UPP2: variants seen among roughly 807,000 people sequenced by gnomAD.
The protein encoded by UPP2 is UPase 2.
UPP2 carries 23 observed loss-of-function variants against 26.7 expected under a neutral mutation model. That is an observed-to-expected ratio of 0.86 (90% confidence interval 0.62 to 1.22). UPP2 has a LOEUF of 1.22. UPP2 is among the 50% of genes most tolerant of loss of function. The pLI is 0.00. For synonymous variants in UPP2, 127 were observed against 141.3 expected (o/e 0.90, Z 0.72); for missense variants, 387 against 396.7 (o/e 0.98, Z 0.21).
At chr2:158,114,624 G>T (rs1295469241) in intron 2 of UPP2, among the ~76,000 whole-genome samples, 7 of 152,122 alleles carry the variant, frequency 4.6e-5, no homozygotes, top group Admixed American at 4.6e-4. Context: ...AAAATTTTAA[G>T]TTCACATACT....
chr2:158,029,819 CTATT>C (rs886587270), intron 3 of UPP2, among the ~76,000 whole-genome samples: 3 of 145,580 alleles, frequency 2.1e-5, no homozygotes, highest in Non-Finnish European at 4.5e-5. Context: ...TTTTAAAACA[CTATT>C]TAGGAAAGAT....
At chr2:158,036,703 G>A (rs539888457) in intron 3 of UPP2, among the ~76,000 whole-genome samples, 5 of 152,306 alleles carry the variant, frequency 3.3e-5, no homozygotes, top group African/African-American at 1.2e-4. Flanking sequence ...TTATGGAAAG[G>A]CAGGTGAAGA....
intron 2 of UPP2, among the ~76,000 whole-genome samples, chr2:158,004,631 G>A (rs916662533): frequency 2.0e-5 from 3 of 152,152 alleles, no homozygotes; most frequent in Admixed American, 6.5e-5. Flanking sequence ...CCTCCTAGTC[G>A]GGGGAGATGG....
chr2:158,117,919 C>T lies in UPP2; in HGVS notation c.435C>T (p.Ile145=), dbSNP rs754084452. ...GCTGCGATGTCACCATTATTAGAAT[C>T]GGTACATCAGGGGGAATAGGTGAGA... The part of the protein sequence containing the change: ...ARCCDVTIIR[I]GTSGGIGIAP... The change falls in exon 4 of 7, where the codon ATC becomes ATT. Residue 145 remains isoleucine (I), a synonymous_variant. Coordinates refer to ENST00000005756, the MANE Select transcript of UPP2 (RefSeq NM_173355.4). 6.8e-6 allele frequency: 11 copies of T among 1,611,072 alleles called. 1 individual carries two copies. Among genetic ancestry groups the T allele is most frequent in the East Asian group, 4.5e-5 (2 of 44,884 alleles).
chr2:158,012,049 C>A (rs925215838), intron 2 of UPP2, among the ~76,000 whole-genome samples: 3 of 152,038 alleles, frequency 2.0e-5, no homozygotes, highest in Non-Finnish European at 4.4e-5. Context: ...CTTTTTTATC[C>A]TTTGGGTATC....
At chr2:158,131,099 A>T (rs1054159490) in intron 6 of UPP2, among the ~76,000 whole-genome samples, 1 of 152,232 alleles carries the variant, frequency 6.6e-6, no homozygotes, top group African/African-American at 2.4e-5. Flanking sequence ...TGTGCTTTAC[A>T]TACCAGGCAT....
At chr2:158,056,842 C>A (rs1447029941) in intron 3 of UPP2, among the ~76,000 whole-genome samples, 4 of 152,184 alleles carry the variant, frequency 2.6e-5, no homozygotes, top group African/African-American at 9.7e-5. Context: ...AGAATGTCAA[C>A]ATATCTTTTT....
chr2:158,010,763 CTTTTTTTT>C (rs34328148), intron 2 of UPP2, among the ~76,000 whole-genome samples: 1 of 82,908 alleles, frequency 1.2e-5, no homozygotes, highest in South Asian at 4.9e-4. Flanking sequence ...CCCTCTTTTT[CTTTTTTTT>C]TTTTTTTTTT....
chr2:158,129,586 T>C, intron 6 of UPP2, among the ~76,000 whole-genome samples: 1 of 151,574 alleles, frequency 6.6e-6, no homozygotes, highest in Non-Finnish European at 1.5e-5. Flanking sequence ...TCTCCACTAT[T>C]CCATAAGGTG....
At chr2:158,078,783 A>G (rs1682672221) in intron 3 of UPP2, among the ~76,000 whole-genome samples, 1 of 152,152 alleles carries the variant, frequency 6.6e-6, no homozygotes, top group South Asian at 2.1e-4. Context: ...AAAGAGTAGA[A>G]TTGGATTGTA....
At chr2:158,039,169 G>C (rs1252968667) in intron 3 of UPP2, among the ~76,000 whole-genome samples, 1 of 152,172 alleles carries the variant, frequency 6.6e-6, no homozygotes, top group Non-Finnish European at 1.5e-5. Flanking sequence ...GGGAAGTGAA[G>C]GGGGCCTGGG....
Position 158,068,528 on chromosome 2 carries a change from G to C in UPP2, c.148-33512G>C, listed in dbSNP as rs371935161. ...GGAAAGTTTATGTATTACCTCCCCC[G>C]CTGTTCTGTTTGACTATGACAGAGA... is the stretch of plus-strand genomic sequence containing the variant. On this transcript the variant is annotated intron_variant, in intron 3 of 9. Coordinates refer to the UPP2 transcript ENST00000605860. Among the ~76,000 whole-genome samples the C allele has an allele frequency of 2.0e-5, 3 of 151,716 alleles. 1 individual carries two copies. In the Middle Eastern group the frequency reaches 0.01, roughly 516 times the overall value.
chr2:158,106,184 C>T lies in UPP2; in HGVS notation c.148C>T (p.His50Tyr), dbSNP rs751356556. ...TCACTTGGATTTGGGAACAAAAACA[C>T]ACAACCTACCAGCAATGTTTGGAGA... The part of the protein sequence containing the change: ...LYHLDLGTKT[H>Y]NLPAMFGDVK... Residue 50 changes from histidine (H) to tyrosine (Y), a missense_variant, in exon 2 of 7, where the codon CAC becomes TAC. Physicochemically the swap from His to Tyr is moderately conservative, Grantham distance 83. Coordinates refer to ENST00000005756, the MANE Select transcript of UPP2 (RefSeq NM_173355.4). The T allele has an allele frequency of 3.7e-6, 6 of 1,612,300 alleles. No homozygotes were observed. The East Asian group carries it at 1.1e-4, about 30-fold the overall frequency.
At chr2:158,111,244 C>T (rs564880668) in intron 2 of UPP2, among the ~76,000 whole-genome samples, 3 of 152,056 alleles carry the variant, frequency 2.0e-5, no homozygotes, top group Admixed American at 6.6e-5. Context: ...TACTTTATTT[C>T]TGACAGTTTT....
intron 3 of UPP2, among the ~76,000 whole-genome samples, chr2:158,090,534 C>A (rs1306089400): frequency 3.3e-5 from 5 of 152,084 alleles, no homozygotes; most frequent in African/African-American, 9.7e-5. Context: ...AACAAACAAA[C>A]AAACAAACCA....
intron 3 of UPP2, among the ~76,000 whole-genome samples, chr2:158,070,402 T>C (rs546653268): frequency 6.6e-6 from 1 of 152,284 alleles, no homozygotes; most frequent in African/African-American, 2.4e-5. Context: ...GTCTCTTGAT[T>C]CAAGTAAAGT....
chr2:158,055,716 G>C lies in UPP2; in HGVS notation c.147+39830G>C, dbSNP rs550989008. Among the ~76,000 whole-genome samples the C allele has an allele frequency of 5.9e-5, 9 of 152,328 alleles. No individual in the cohort carries two copies. The South Asian group carries it at 1.5e-3, about 25-fold the overall frequency. ...GGGAATTCAGGCATAACCAACTCCA[G>C]CATTTCCAGCAATGTCCCAGGGCCT... On this transcript the variant is annotated intron_variant, in intron 3 of 9. Transcript: ENST00000605860.
At chr2:158,126,835 G>A (rs1008629465) in intron 6 of UPP2, 3 of 152,188 alleles carry the variant, frequency 2.0e-5, no homozygotes, top group African/African-American at 4.8e-5. Context: ...CCATAGGCAT[G>A]TCTCCCTAAC....
At chr2:158,114,361 G>A (rs985448550) in intron 2 of UPP2, among the ~76,000 whole-genome samples, 5 of 151,848 alleles carry the variant, frequency 3.3e-5, no homozygotes, top group African/African-American at 1.2e-4. Context: ...GGTACCTGGG[G>A]CTAGGGTACC....
Sources: allele counts gnomAD v4.1 joint callset (sites outside exome capture counted in the v4.1 genomes callset), GRCh38; gene constraint gnomAD v4.1.1; transcripts MANE v1.5; gene names NCBI Gene and HGNC (gene_info 2026-07-23, HGNC 2026-07-21).